The following GPC6 variants were observed in gnomAD, a reference collection of about 807,000 sequenced individuals.
GPC6 encodes glypican 6, also known as glypican-6.
Under a neutral mutation model 55.2 loss-of-function variants are expected in GPC6, and 14 were observed. The observed-to-expected ratio is 0.25, with a 90% CI of 0.17 to 0.40. GPC6 has a LOEUF of 0.40. GPC6 is among the 10% of genes least tolerant of loss of function. GPC6 has a pLI of 1.00. For synonymous variants in GPC6, 278 were observed against 259.6 expected, an observed-to-expected ratio of 1.07 and a Z score of -0.68; for missense variants, 641 against 708.5, an observed-to-expected ratio of 0.90 and a Z score of 1.08.
intron 2 of GPC6, among the ~76,000 whole-genome samples, chr13:93,755,312 T>G (rs1884731644): frequency 6.6e-6 from 1 of 152,120 alleles, no homozygotes; most frequent in African/African-American, 2.4e-5. Context: ...GCCGATGGAT[T>G]TTACAGGAAA....
chr13:93,595,392 G>A lies in GPC6; in HGVS notation c.319+49971G>A, dbSNP rs546409893. 7.2e-5 allele frequency among the ~76,000 whole-genome samples: 11 copies of A among 152,052 alleles called. No homozygotes were observed. The South Asian group carries it at 1.2e-3, about 17-fold the overall frequency. On this transcript the variant is annotated intron_variant, in intron 2 of 8. Transcript: ENST00000377047. ...TTTTATCGCTTGTTGGCCATTTGAC[G>A]TTAATCACTTTAAATAAAGTGTAAT...
At chr13:94,191,264 T>C (rs768739873) in intron 4 of GPC6, among the ~76,000 whole-genome samples, 5 of 152,222 alleles carry the variant, frequency 3.3e-5, no homozygotes, top group Admixed American at 6.5e-5. Flanking sequence ...AAATGCTAGG[T>C]GAAGATTGCC....
intron 1 of GPC6, among the ~76,000 whole-genome samples, chr13:93,411,240 A>G (rs1406912787): frequency 6.6e-6 from 1 of 152,156 alleles, no homozygotes; most frequent in Non-Finnish European, 1.5e-5. Context: ...CAGACACCAT[A>G]CCTGCTGTGT....
chr13:93,874,080 G>A (rs1189968856), intron 3 of GPC6, among the ~76,000 whole-genome samples: 2 of 151,724 alleles, frequency 1.3e-5, no homozygotes, highest in African/African-American at 4.8e-5. Flanking sequence ...TAGCTTCAGG[G>A]GTACATGTTC....
At chr13:93,992,390 G>C (rs1453811783) in intron 3 of GPC6, among the ~76,000 whole-genome samples, 1 of 152,096 alleles carries the variant, frequency 6.6e-6, no homozygotes, top group African/African-American at 2.4e-5. Context: ...CCTTCACATA[G>C]AAGTATAGCT....
At chr13:93,969,868 C>T (rs1880208268) in intron 3 of GPC6, among the ~76,000 whole-genome samples, 1 of 152,100 alleles carries the variant, frequency 6.6e-6, no homozygotes, top group African/African-American at 2.4e-5. Flanking sequence ...ATAATGGCCT[C>T]CAGTTCCATC....
At chr13:94,324,501 C>T (rs759200029) in intron 6 of GPC6, among the ~76,000 whole-genome samples, 9 of 152,038 alleles carry the variant, frequency 5.9e-5, no homozygotes, top group Non-Finnish European at 1.0e-4. Flanking sequence ...AAATGATCAG[C>T]GCTTCGAGAG....
intron 2 of GPC6, among the ~76,000 whole-genome samples, chr13:93,575,586 A>G (rs539602503): frequency 6.6e-6 from 1 of 152,142 alleles, no homozygotes; most frequent in East Asian, 1.9e-4. Context: ...TTGAAAGCCA[A>G]TTTAGTAGTA....
intron 1 of GPC6, among the ~76,000 whole-genome samples, chr13:93,402,750 T>C (rs2762096): frequency 6.6e-6 from 1 of 152,158 alleles, no homozygotes; most frequent in East Asian, 1.9e-4. Context: ...TGGACCCTTT[T>C]TGGAGGTCAG....
intron 4 of GPC6, among the ~76,000 whole-genome samples, chr13:94,212,880 G>A (rs996303919): frequency 6.6e-6 from 1 of 152,162 alleles, no homozygotes; most frequent in Non-Finnish European, 1.5e-5. Flanking sequence ...TACTAGGGCC[G>A]GGCACGGTGG....
At chr13:93,311,568 T>G (rs554668452) in intron 1 of GPC6, among the ~76,000 whole-genome samples, 1 of 152,222 alleles carries the variant, frequency 6.6e-6, no homozygotes, top group Non-Finnish European at 1.5e-5. Context: ...AACCAAGCCC[T>G]ACACAGTCTA....
At chr13:93,949,843 C>T (rs1217367956) in intron 3 of GPC6, among the ~76,000 whole-genome samples, 1 of 152,174 alleles carries the variant, frequency 6.6e-6, no homozygotes, top group Non-Finnish European at 1.5e-5. Flanking sequence ...CCTCCCACCT[C>T]AGCCTCCCAA....
chr13:93,343,405 A>G (rs1180979168), intron 1 of GPC6, among the ~76,000 whole-genome samples: 1 of 152,132 alleles, frequency 6.6e-6, no homozygotes, highest in Non-Finnish European at 1.5e-5. Flanking sequence ...TCTTATTGCA[A>G]AGGCCCAGTA....
intron 4 of GPC6, among the ~76,000 whole-genome samples, chr13:94,056,664 T>C (rs923035448): frequency 1.3e-5 from 2 of 152,246 alleles, no homozygotes; most frequent in Admixed American, 1.3e-4. Context: ...ATAATTACCC[T>C]CATGAGTAGT....
At chr13:94,043,879 T>C (rs1883630819) in intron 4 of GPC6, among the ~76,000 whole-genome samples, 1 of 151,912 alleles carries the variant, frequency 6.6e-6, no homozygotes, top group Non-Finnish European at 1.5e-5. Context: ...AGGTTAGTTA[T>C]GTTCTTAGTT....
intron 6 of GPC6, among the ~76,000 whole-genome samples, chr13:94,329,418 C>T (rs928556720): frequency 6.6e-6 from 1 of 152,198 alleles, no homozygotes; most frequent in Admixed American, 6.5e-5. Flanking sequence ...GCAGTACCGT[C>T]TGCAGCTGCC....
chr13:93,726,364 C>T lies in GPC6; in HGVS notation c.320-103790C>T, dbSNP rs1022109366. Among the ~76,000 whole-genome samples the T allele has an allele frequency of 2.0e-5, 3 of 152,022 alleles. No individual in the cohort carries two copies. The South Asian group carries it at 6.2e-4, about 32-fold the overall frequency. ...ACCCATAAAATTGGCTTCAAGTTTC[C>T]ACCTTGTTTGAAACTCCCTGGCCAA... On this transcript the variant is annotated intron_variant, in intron 2 of 8. Coordinates refer to ENST00000377047, the MANE Select transcript of GPC6 (RefSeq NM_005708.5).
intron 2 of GPC6, among the ~76,000 whole-genome samples, chr13:93,809,581 C>A (rs1391390657): frequency 6.6e-6 from 1 of 152,210 alleles, no homozygotes; most frequent in African/African-American, 2.4e-5. Flanking sequence ...TTGTTTCTCG[C>A]TGAACCTGGA....
At chr13:94,286,682 G>A (rs928313672) in intron 5 of GPC6, among the ~76,000 whole-genome samples, 1 of 152,170 alleles carries the variant, frequency 6.6e-6, no homozygotes, top group Non-Finnish European at 1.5e-5. Context: ...TTTTTAGCTT[G>A]CAACTACTCA....
Sources: allele counts gnomAD v4.1 joint callset (sites outside exome capture counted in the v4.1 genomes callset), GRCh38; gene constraint gnomAD v4.1.1; transcripts MANE v1.5; gene names NCBI Gene and HGNC (gene_info 2026-07-23, HGNC 2026-07-21).